B3GALT5: variants seen among roughly 807,000 people sequenced by gnomAD.
B3GALT5 encodes UDP-Gal:betaGlcNAc beta 1,3-galactosyltransferase, polypeptide 5.
For synonymous variants in B3GALT5, 156 were observed against 158.6 expected, an observed-to-expected ratio of 0.98 and a Z score of 0.12; for missense variants, 328 against 396.6, an observed-to-expected ratio of 0.83 and a Z score of 1.47.
At position 39,669,855 on chromosome 21, in the gene B3GALT5, T is replaced by C. The variant is rs926571050; in HGVS notation, c.*8363T>C. On this transcript the variant is annotated 3_prime_UTR_variant, in exon 4 of 4. Transcript: ENST00000684187. ...GAGTCCTCCGATGTATCTGCTTTCATAGGAAGCTTGGGACCAGCCCTGCCC... is the reference window on the plus strand; with the variant it reads ...GAGTCCTCCGATGTATCTGCTTTCACAGGAAGCTTGGGACCAGCCCTGCCC... The C allele has an allele frequency of 6.6e-6, 1 of 152,276 alleles. No homozygotes were observed. The highest frequency in any genetic ancestry group is 6.5e-5 in the Admixed American group (1 of 15,298). The allele number at this position is 152,276 out of a possible 1,614,324, so 9.4% of individuals were successfully genotyped here.
rs140647538 is a variant in B3GALT5 at position 39,649,686 on chromosome 21, C to T, written c.-161+3064C>T. Among the ~76,000 whole-genome samples the T allele has an allele frequency of 2.5e-3, 379 of 152,208 alleles. 1 individual carries two copies. Among genetic ancestry groups the T allele is most frequent in the Non-Finnish European group, 4.7e-3 (317 of 68,004 alleles). ...CGAGGGGGATTCTGGCTAAACCCAC[C>T]TTGCTGGAGGCAGACCAGGGTGACC... On this transcript the variant is annotated intron_variant, in intron 2 of 3. Transcript: ENST00000684187.
rs745506572 is a variant in B3GALT5, at chr21:39,661,270, A to G, written c.711A>G (p.Pro237=). ...TGTACAATGTCTCCAAGAGCGTCCC[A>G]TACATTAAACTGGAAGACGTGTTTG... is the stretch of plus-strand genomic sequence containing the variant. ...SQVYNVSKSV[P]YIKLEDVFVG... The change falls in exon 4 of 4, where the codon CCA becomes CCG. Residue 237 remains proline (P), a synonymous_variant. Transcript: ENST00000684187. The surrounding 1 kb of genome is among the most constrained non-coding windows in gnomAD (Gnocchi z 4.7). The G allele has an allele frequency of 6.2e-7, 1 of 1,614,164 alleles. No homozygotes were observed. Among genetic ancestry groups the G allele is most frequent in the South Asian group, 1.1e-5 (1 of 91,082 alleles).
intron 1 of B3GALT5, among the ~76,000 whole-genome samples, chr21:39,615,992 G>A (rs1830940772): frequency 6.6e-6 from 1 of 152,210 alleles, no homozygotes; most frequent in African/African-American, 2.4e-5. Flanking sequence ...AAAAAGTTGT[G>A]AGAAGAATAT....
In B3GALT5 at chr21:39,636,585, T is replaced by C. The variant is rs186698912; in HGVS notation, c.-391-9807T>C. ...AGGAGACAGGCTCCTGTGGCTTAGA[T>C]AAGGACTGGCACATCTTCTTGAGGG... On this transcript the variant is annotated intron_variant, in intron 1 of 3. Coordinates refer to ENST00000684187, the MANE Select transcript of B3GALT5 (RefSeq NM_001356336.2). 1.3e-4 allele frequency among the ~76,000 whole-genome samples: 20 copies of C among 152,228 alleles called. No individual in the cohort carries two copies. The East Asian group carries it at 3.7e-3, about 28-fold the overall frequency.
intron 2 of B3GALT5, among the ~76,000 whole-genome samples, chr21:39,652,484 G>T (rs1465896122): frequency 6.6e-6 from 1 of 152,052 alleles, no homozygotes; most frequent in Non-Finnish European, 1.5e-5. Context: ...ACACGTAAGT[G>T]CCCTGGGCCG....
chr21:39,641,609 C>T (rs564929261), intron 1 of B3GALT5, among the ~76,000 whole-genome samples: 21 of 152,292 alleles, frequency 1.4e-4, no homozygotes, highest in African/African-American at 5.1e-4. Context: ...TAATTGTTTG[C>T]ATAACCATTG....
chr21:39,631,569 G>A (rs1418367304), intron 1 of B3GALT5, among the ~76,000 whole-genome samples: 1 of 152,044 alleles, frequency 6.6e-6, no homozygotes, highest in African/African-American at 2.4e-5. Flanking sequence ...GAATTTTAGG[G>A]GAACATAAAT....
chr21:39,623,645 A>G (rs2079149287), intron 1 of B3GALT5, among the ~76,000 whole-genome samples: 2 of 152,058 alleles, frequency 1.3e-5, no homozygotes, highest in South Asian at 4.1e-4. Flanking sequence ...TTCTATATGT[A>G]TTATTGGTCA....
intron 1 of B3GALT5, among the ~76,000 whole-genome samples, chr21:39,633,792 A>T: frequency 6.6e-6 from 1 of 152,318 alleles, no homozygotes; most frequent in Middle Eastern, 3.4e-3. Flanking sequence ...AATTGCTTTC[A>T]TATATATTTG....
chr21:39,650,490 G>A (rs2079384347), intron 2 of B3GALT5, among the ~76,000 whole-genome samples: 1 of 152,190 alleles, frequency 6.6e-6, no homozygotes, highest in African/African-American at 2.4e-5. Context: ...TGAGACTTTT[G>A]TCCACAGTTC....
chr21:39,622,568 C>T (rs2079139549), intron 1 of B3GALT5, among the ~76,000 whole-genome samples: 1 of 151,924 alleles, frequency 6.6e-6, no homozygotes, highest in South Asian at 2.1e-4. Context: ...TCTTTTCTCC[C>T]CCTAACTAAT....
At chr21:39,658,171 T>C (rs1038042060) in intron 2 of B3GALT5, among the ~76,000 whole-genome samples, 2 of 152,174 alleles carry the variant, frequency 1.3e-5, no homozygotes, top group African/African-American at 4.8e-5. Flanking sequence ...TGACTTCTGG[T>C]GGTAACTCCA....
chr21:39,626,644 G>A (rs1351807546), intron 1 of B3GALT5, among the ~76,000 whole-genome samples: 1 of 151,890 alleles, frequency 6.6e-6, no homozygotes, highest in Non-Finnish European at 1.5e-5. Flanking sequence ...CCTGGTAGGT[G>A]CGAAGTGCTG....
At chr21:39,639,392 T>TTCCTTCTTTC (rs1569212321) in intron 1 of B3GALT5, among the ~76,000 whole-genome samples, 11 of 86,998 alleles carry the variant, frequency 1.3e-4, no homozygotes, top group Non-Finnish European at 9.7e-5. Flanking sequence ...CCTTCCTTCC[T>TTCCTTCTTTC]TCTTTCTTTT....
At chr21:39,639,347 T>TTTTC (rs2079260072) in intron 1 of B3GALT5, among the ~76,000 whole-genome samples, 1 of 66,738 alleles carries the variant, frequency 1.5e-5, no homozygotes, top group Non-Finnish European at 2.9e-5. Flanking sequence ...TCTTTCTTTC[T>TTTTC]TTCCTTCCTT....
intron 1 of B3GALT5, among the ~76,000 whole-genome samples, chr21:39,620,102 A>G (rs912735206): frequency 6.6e-6 from 1 of 152,388 alleles, no homozygotes. Flanking sequence ...CTGGGATTAC[A>G]GGCGTGAGCC....
At chr21:39,660,519 C>T (rs775897496) in intron 3 of B3GALT5, 41 bp from the exon 4 acceptor site, 17 of 1,383,188 alleles carry the variant, frequency 1.2e-5, no homozygotes, top group East Asian at 1.0e-4. Flanking sequence ...GACACATCCT[C>T]ATGCTTTTGA....
Position 39,668,485 on chromosome 21 carries a change from T to G in B3GALT5, c.*6993T>G, listed in dbSNP as rs572613380. On this transcript the variant is annotated 3_prime_UTR_variant, in exon 4 of 4. Coordinates refer to ENST00000684187, the MANE Select transcript of B3GALT5 (RefSeq NM_001356336.2). Reference sequence around the variant, plus strand: ...GATGGCGTGGTGTGGAGTGCCCAGGTGTGAAATGGTTGTCTCAATGGAAGT... The same window carrying G: ...GATGGCGTGGTGTGGAGTGCCCAGGGGTGAAATGGTTGTCTCAATGGAAGT... The G allele has an allele frequency of 1.3e-4, 20 of 152,284 alleles. No individual in the cohort carries two copies. The highest frequency in any genetic ancestry group is 4.6e-4 in the African/African-American group (19 of 41,538). The allele number at this position is 152,284 out of a possible 1,614,324, so 9.4% of individuals were successfully genotyped here.
At chr21:39,618,224 A>G (rs2079117118) in intron 1 of B3GALT5, among the ~76,000 whole-genome samples, 1 of 152,166 alleles carries the variant, frequency 6.6e-6, no homozygotes, top group African/African-American at 2.4e-5. Flanking sequence ...GGACGTTTAG[A>G]TGATTTTCAT....
Sources: allele counts gnomAD v4.1 joint callset (sites outside exome capture counted in the v4.1 genomes callset), GRCh38; gene constraint gnomAD v4.1.1; non-coding constraint Gnocchi (gnomAD v3.1); transcripts MANE v1.5; gene names NCBI Gene and HGNC (gene_info 2026-07-23, HGNC 2026-07-21).